The following CYFIP2 variants were observed in gnomAD, a reference collection of about 807,000 sequenced individuals.
CYFIP2 encodes the protein cytoplasmic FMR1 interacting protein 2.
CYFIP2 carries 29 observed loss-of-function variants against 158.7 expected under a neutral mutation model. That is an observed-to-expected ratio of 0.18 (90% CI 0.14 to 0.25). The LOEUF is 0.25. CYFIP2 is among the 10% of genes least tolerant of loss of function. The pLI is 1.00. For missense variants in CYFIP2, 852 were observed against 1,639.5 expected (o/e 0.52, Z 8.29); for synonymous variants, 585 against 617.6 (o/e 0.95, Z 0.78).
At chr5:157,288,910 T>C (rs1158597962) in intron 3 of CYFIP2, among the ~76,000 whole-genome samples, 1 of 152,206 alleles carries the variant, frequency 6.6e-6, no homozygotes, top group Non-Finnish European at 1.5e-5. Flanking sequence ...GAAAGCTTGA[T>C]GTAGGAAGTG....
At chr5:157,319,512 G>A (rs1760420370) in intron 13 of CYFIP2, among the ~76,000 whole-genome samples, 3 of 152,226 alleles carry the variant, frequency 2.0e-5, no homozygotes, top group African/African-American at 4.8e-5. Context: ...GTTGCATTGC[G>A]AAGAATGCTG....
intron 26 of CYFIP2, among the ~76,000 whole-genome samples, chr5:157,369,267 T>C (rs918480807): frequency 7.0e-4 from 107 of 152,164 alleles, no homozygotes; most frequent in Admixed American, 7.0e-3. Flanking sequence ...CTGATAAACA[T>C]TTATCAGTTA....
At chr5:157,282,629 G>A (rs1473831446) in intron 1 of CYFIP2, among the ~76,000 whole-genome samples, 1 of 152,204 alleles carries the variant, frequency 6.6e-6, no homozygotes, top group Non-Finnish European at 1.5e-5. Flanking sequence ...AAGTGGGATT[G>A]CTGGTCAAAT....
Position 157,393,789 on chromosome 5 carries a change from A to C in CYFIP2, c.*789A>C, listed in dbSNP as rs1272717480. On this transcript the variant is annotated 3_prime_UTR_variant, in exon 31 of 31. Transcript: ENST00000620254. ...TCCCTTATTCCTTCAGGAAAGGCTTAGCATTGGGCCACATAGGGGAAGCAG... is the reference window on the plus strand; with the variant it reads ...TCCCTTATTCCTTCAGGAAAGGCTTCGCATTGGGCCACATAGGGGAAGCAG... The C allele has an allele frequency of 6.6e-6, 1 of 152,248 alleles. No homozygotes were observed. Among genetic ancestry groups the C allele is most frequent in the Admixed American group, 6.5e-5 (1 of 15,286 alleles). 9.4% of individuals were successfully genotyped at this position (152,248 alleles called of 1,614,324 possible).
At chr5:157,383,239 T>C (rs1766308030) in intron 27 of CYFIP2, 26 bp from the exon 28 acceptor site, 1 of 1,608,864 alleles carries the variant, frequency 6.2e-7, no homozygotes, top group Non-Finnish European at 8.5e-7. Flanking sequence ...TGAGTCTCAT[T>C]TTCTGCTCTG....
rs1581220260 is a variant in CYFIP2, at chr5:157,393,289, C to CA, written c.*290dup. The CA allele has an allele frequency of 3.8e-6, 1 of 265,878 alleles. No homozygotes were observed. The highest frequency in any genetic ancestry group is 7.7e-5 in the East Asian group (1 of 13,022). The allele number at this position is 265,878 out of a possible 1,614,324, so 16.5% of individuals were successfully genotyped here. On this transcript the variant is annotated 3_prime_UTR_variant, in exon 31 of 31. Coordinates refer to ENST00000620254, the MANE Select transcript of CYFIP2 (RefSeq NM_001037333.3). The stretch of plus-strand genomic sequence containing the variant: ...CAACTATATTAAGAACTCCTAGTTT[C>CA]ACCCTTTCTCCATCCCATCATCCCA...
chr5:157,358,442 T>C (rs896087507), intron 23 of CYFIP2, among the ~76,000 whole-genome samples: 1 of 152,192 alleles, frequency 6.6e-6, no homozygotes, highest in Non-Finnish European at 1.5e-5. Context: ...CCTCATTTCA[T>C]AGATGTGGAA....
At chr5:157,317,451 A>G (rs1760243714) in intron 13 of CYFIP2, among the ~76,000 whole-genome samples, 1 of 152,210 alleles carries the variant, frequency 6.6e-6, no homozygotes, top group East Asian at 1.9e-4. Flanking sequence ...TAACAGGCTT[A>G]TGAGACTATT....
At chr5:157,377,466 A>G (rs1765596453) in intron 26 of CYFIP2, among the ~76,000 whole-genome samples, 1 of 152,048 alleles carries the variant, frequency 6.6e-6, no homozygotes, top group African/African-American at 2.4e-5. Context: ...CCTCCCCAAA[A>G]GTCTGAATTG....
At chr5:157,341,189 A>G (rs752896135) in intron 23 of CYFIP2, 32 bp downstream of exon 23, 22 of 1,595,372 alleles carry the variant, frequency 1.4e-5, no homozygotes, top group Non-Finnish European at 1.9e-5. Context: ...TGCCTAGAAG[A>G]GGGTTGGTGA....
intron 1 of CYFIP2, among the ~76,000 whole-genome samples, chr5:157,278,538 A>G (rs1333074662): frequency 6.6e-6 from 1 of 152,230 alleles, no homozygotes; most frequent in Non-Finnish European, 1.5e-5. Flanking sequence ...CTTGAATAAA[A>G]GTGTTTACTT....
At chr5:157,319,017 C>T (rs1346152774) in intron 13 of CYFIP2, among the ~76,000 whole-genome samples, 2 of 152,208 alleles carry the variant, frequency 1.3e-5, no homozygotes, top group African/African-American at 4.8e-5. Flanking sequence ...TGCATAGATA[C>T]ACGCCTCCCT....
chr5:157,309,767 G>A lies in CYFIP2; in HGVS notation c.925G>A (p.Gly309Ser). Residue 309 changes from glycine (G) to serine (S), a missense_variant, in exon 10 of 31, where the codon GGC becomes AGC. This residue lies in a region of CYFIP2 where 133 missense variants were observed against 197.1 expected (regional missense o/e 0.67). Coordinates refer to ENST00000620254, the MANE Select transcript of CYFIP2 (RefSeq NM_001037333.3). ...FKQLQVVPLF[G>S]DMQIELARYI... is the part of the protein sequence containing the mutation. Reference sequence around the variant, plus strand: ...GCAGCTGCAGGTGGTGCCCCTTTTCGGCGACATGCAGATAGAGCTGGCCAG... The same window carrying A: ...GCAGCTGCAGGTGGTGCCCCTTTTCAGCGACATGCAGATAGAGCTGGCCAG... 6.2e-7 allele frequency: 1 copy of A among 1,607,278 alleles called. No individual in the cohort carries two copies. Among genetic ancestry groups the A allele is most frequent in the South Asian group, 1.1e-5 (1 of 89,242 alleles).
chr5:157,326,753 T>C (rs998845113), intron 18 of CYFIP2, among the ~76,000 whole-genome samples: 2 of 152,180 alleles, frequency 1.3e-5, no homozygotes, highest in Non-Finnish European at 2.9e-5. Flanking sequence ...CTTGACCTTA[T>C]GGATTCTTTG....
intron 26 of CYFIP2, among the ~76,000 whole-genome samples, chr5:157,381,836 C>G (rs1766146711): frequency 6.6e-6 from 1 of 152,170 alleles, no homozygotes; most frequent in South Asian, 2.1e-4. Flanking sequence ...GAGCCTGGAT[C>G]CTACCTAATC....
At chr5:157,290,759 A>G (rs1757759360) in intron 3 of CYFIP2, among the ~76,000 whole-genome samples, 2 of 152,164 alleles carry the variant, frequency 1.3e-5, no homozygotes, top group African/African-American at 4.8e-5. Context: ...TGCCTTCCCC[A>G]GTCTTTCTAA....
chr5:157,349,700 C>T (rs1303067337), intron 23 of CYFIP2, among the ~76,000 whole-genome samples: 1 of 152,206 alleles, frequency 6.6e-6, no homozygotes, highest in Non-Finnish European at 1.5e-5. Flanking sequence ...ACACTCTTTT[C>T]CATTATATTT....
intron 23 of CYFIP2, chr5:157,342,922 C>T (rs780670357): frequency 4.3e-6 from 7 of 1,614,060 alleles, no homozygotes; most frequent in Admixed American, 1.7e-5. Context: ...GTAAGGCACC[C>T]GCATCAGGGG....
chr5:157,285,253 C>A (rs1468871031), intron 1 of CYFIP2, 86 bp from the exon 2 acceptor site: 1 of 882,380 alleles, frequency 1.1e-6, no homozygotes, highest in Non-Finnish European at 1.8e-6. Context: ...TCTTTATTCT[C>A]CCAAAGGATG....
Sources: gnomAD v4.1 joint callset for allele counts (sites outside exome capture counted in the v4.1 genomes callset) on GRCh38, gnomAD v4.1.1 for gene constraint, gnomAD v4.1.1 regional missense constraint, MANE v1.5 for transcripts, NCBI Gene and HGNC (gene_info 2026-07-23, HGNC 2026-07-21) for gene names.